FARS2: variants seen among roughly 807,000 people sequenced by gnomAD.
The protein encoded by FARS2 is phenylalanyl-tRNA synthetase 2, mitochondrial.
In FARS2, 40 loss-of-function variants were observed where a neutral mutation model predicts 46.4. That is an observed-to-expected ratio of 0.86 (90% CI 0.67 to 1.12). The LOEUF (loss-of-function observed/expected upper bound fraction) is 1.12. Among genes scored for constraint, FARS2 ranks in the 50% most tolerant of loss-of-function variants. FARS2 has a pLI of 0.00. For missense variants in FARS2, 513 were observed against 567.9 expected (o/e 0.90, Z 0.98); for synonymous variants, 234 against 214.9 (o/e 1.09, Z -0.78).
chr6:5,571,576 A>G (rs1031567492), intron 5 of FARS2, among the ~76,000 whole-genome samples: 2 of 151,098 alleles, frequency 1.3e-5, no homozygotes, highest in African/African-American at 4.9e-5. Flanking sequence ...ATCATCTGTC[A>G]CCTCCTGATC....
chr6:5,386,829 C>T (rs1348148362), intron 2 of FARS2, among the ~76,000 whole-genome samples: 1 of 152,076 alleles, frequency 6.6e-6, no homozygotes, highest in Non-Finnish European at 1.5e-5. Flanking sequence ...AGAAATGCCC[C>T]CTTGGCAGGT....
chr6:5,296,644 T>G lies in FARS2; in HGVS notation c.-22+34984T>G, dbSNP rs79102122. ...TTTCTGTCTCTGAATTTAACCACTC[T>G]AGGAACTTCGTATGAGTGGAATCAT... is the stretch of plus-strand genomic sequence containing the variant. On this transcript the variant is annotated intron_variant, in intron 1 of 6. Transcript: ENST00000274680. Among the ~76,000 whole-genome samples the G allele has an allele frequency of 3.1e-4, 47 of 152,338 alleles. 1 individual carries two copies. The East Asian group carries it at 6.4e-3, about 21-fold the overall frequency.
chr6:5,655,994 G>T (rs1245997442), intron 6 of FARS2, among the ~76,000 whole-genome samples: 1 of 152,180 alleles, frequency 6.6e-6, no homozygotes, highest in East Asian at 1.9e-4. Context: ...AATTGTCTTT[G>T]CAGTGATTGT....
At chr6:5,409,223 G>T (rs959647702) in intron 3 of FARS2, among the ~76,000 whole-genome samples, 2 of 152,040 alleles carry the variant, frequency 1.3e-5, no homozygotes, top group African/African-American at 4.8e-5. Flanking sequence ...GGCCGAGTTG[G>T]GTAGATCATG....
intron 1 of FARS2, among the ~76,000 whole-genome samples, chr6:5,324,810 G>C (rs1197624115): frequency 1.3e-5 from 2 of 152,078 alleles, no homozygotes; most frequent in Non-Finnish European, 2.9e-5. Flanking sequence ...AGTGCCCCAA[G>C]GTCACTGTGT....
chr6:5,501,710 A>G (rs1030184868), intron 4 of FARS2, among the ~76,000 whole-genome samples: 3 of 151,970 alleles, frequency 2.0e-5, no homozygotes, highest in African/African-American at 7.3e-5. Flanking sequence ...GGCCAGGCTG[A>G]TCTTGAACTT....
chr6:5,472,353 C>G (rs1170702296), intron 4 of FARS2, among the ~76,000 whole-genome samples: 4 of 152,134 alleles, frequency 2.6e-5, no homozygotes, highest in Non-Finnish European at 5.9e-5. Context: ...TGATTAAATC[C>G]ATGTATGTGA....
chr6:5,297,852 G>A (rs1471611594), intron 1 of FARS2, among the ~76,000 whole-genome samples: 1 of 151,996 alleles, frequency 6.6e-6, no homozygotes. Flanking sequence ...GTAAAATTTT[G>A]CCTTTAAATA....
chr6:5,283,060 A>C (rs570653005), intron 1 of FARS2, among the ~76,000 whole-genome samples: 7 of 151,908 alleles, frequency 4.6e-5, no homozygotes, highest in Non-Finnish European at 8.8e-5. Context: ...GACATGGTGA[A>C]ACCCTGTCTC....
chr6:5,653,726 A>T (rs538537736), intron 6 of FARS2, among the ~76,000 whole-genome samples: 5 of 152,298 alleles, frequency 3.3e-5, no homozygotes, highest in Non-Finnish European at 7.3e-5. Flanking sequence ...TGATTCATTT[A>T]CCCATTCAAC....
chr6:5,374,715 T>C (rs554144547), intron 2 of FARS2, among the ~76,000 whole-genome samples: 2 of 152,200 alleles, frequency 1.3e-5, no homozygotes, highest in Admixed American at 6.5e-5. Context: ...AATGAAATAT[T>C]TGAAAATTCA....
chr6:5,432,529 T>TA (rs1562037131), intron 4 of FARS2, among the ~76,000 whole-genome samples: 6 of 11,402 alleles, frequency 5.3e-4, no homozygotes, highest in East Asian at 0.014. Context: ...ATATATATAT[T>TA]TTTTTTTTTC....
chr6:5,260,579 C>G (rs7752203), upstream of FARS2: 274,940 of 1,266,048 alleles, frequency 0.22, 51,900 homozygotes, highest in African/African-American at 0.74. Flanking sequence ...GGATATTCCG[C>G]GTCAGCCCGC....
At chr6:5,331,135 T>C (rs1469979391) in intron 1 of FARS2, among the ~76,000 whole-genome samples, 2 of 151,998 alleles carry the variant, frequency 1.3e-5, no homozygotes, top group Admixed American at 6.6e-5. Flanking sequence ...TTGATGGTCT[T>C]ATTCTACATA....
chr6:5,626,352 C>A (rs1776030691), intron 6 of FARS2, among the ~76,000 whole-genome samples: 1 of 152,106 alleles, frequency 6.6e-6, no homozygotes, highest in African/African-American at 2.4e-5. Context: ...CCCGCAGAGC[C>A]CCCCAGAAGT....
chr6:5,718,487 TC>T (rs1759669295), intron 6 of FARS2, among the ~76,000 whole-genome samples: 2 of 152,182 alleles, frequency 1.3e-5, no homozygotes, highest in African/African-American at 2.4e-5. Context: ...TTCAACAACT[TC>T]CCTATTTTCA....
intron 2 of FARS2, among the ~76,000 whole-genome samples, chr6:5,373,795 A>G (rs920787025): frequency 6.6e-5 from 10 of 152,194 alleles, no homozygotes; most frequent in African/African-American, 2.2e-4. Flanking sequence ...GCGCTGCTCT[A>G]TGGGATAAAG....
chr6:5,748,545 AAGAGC>A, intron 6 of FARS2, among the ~76,000 whole-genome samples: 1 of 152,356 alleles, frequency 6.6e-6, no homozygotes, highest in African/African-American at 2.4e-5. Context: ...TGATAAAATA[AAGAGC>A]TAGCATTGAT....
chr6:5,454,328 G>C (rs944217891), intron 4 of FARS2, among the ~76,000 whole-genome samples: 1 of 150,436 alleles, frequency 6.6e-6, no homozygotes, highest in African/African-American at 2.5e-5. Context: ...ATCAACACTT[G>C]TTTTTTTAAA....
Sources: gnomAD v4.1 joint callset for allele counts (sites outside exome capture counted in the v4.1 genomes callset) on GRCh38, gnomAD v4.1.1 for gene constraint, MANE v1.5 for transcripts, NCBI Gene and HGNC (gene_info 2026-07-23, HGNC 2026-07-21) for gene names.